PFKL: variants seen among roughly 807,000 people sequenced by gnomAD.
PFKL encodes the protein phosphofructokinase, liver type, also known as ATP-dependent 6-phosphofructokinase, liver type.
PFKL carries 74 observed loss-of-function variants against 92.1 expected under a neutral mutation model. The observed-to-expected ratio is 0.80, with a 90% CI of 0.67 to 0.97. The LOEUF (loss-of-function observed/expected upper bound fraction) is 0.97, where lower values mean the gene tolerates loss of function less well. Among genes scored for constraint, PFKL ranks in the 50% least tolerant of loss-of-function variants. The pLI, the probability that PFKL is intolerant of heterozygous loss-of-function variation, is 0.00. For synonymous variants in PFKL, 494 were observed against 456.4 expected (o/e 1.08, Z -1.05); for missense variants, 1,028 against 1,116.6 (o/e 0.92, Z 1.13).
chr21:44,323,726 T>A (rs749898539), intron 15 of PFKL, 40 bp from the exon 16 acceptor site: 2 of 1,582,060 alleles, frequency 1.3e-6, no homozygotes, highest in Non-Finnish European at 1.7e-6. Context: ...CACCCTGGCC[T>A]CGGTGCTGCC....
rs529662271 is a variant in PFKL, at chr21:44,311,267, CACAGACCCGTGCACGG to C, written c.237+188_237+203del. 5.8e-3 allele frequency among the ~76,000 whole-genome samples: 885 copies of C among 151,586 alleles called. 11 individuals carry two copies. Among genetic ancestry groups the C allele is most frequent in the African/African-American group, 0.021 (847 of 41,306 alleles). On this transcript the variant is annotated intron_variant, in intron 3 of 21. Coordinates refer to ENST00000349048, the MANE Select transcript of PFKL (RefSeq NM_002626.6). ...GTGCACACACACAGATGCGTGCACA[CACAGACCCGTGCACGG>C]ACACACAGGCGCGCACAGACACAGA...
chr21:44,303,243 C>CA (rs35382076), intron 1 of PFKL, among the ~76,000 whole-genome samples: 50,135 of 148,004 alleles, frequency 0.34, 9,527 homozygotes, highest in African/African-American at 0.52. Flanking sequence ...AAAAAACAAA[C>CA]AAGAAAAAAC....
chr21:44,312,038 C>A, intron 3 of PFKL, 67 bp from the exon 4 acceptor site: 1 of 1,291,800 alleles, frequency 7.7e-7, no homozygotes, highest in Non-Finnish European at 1.0e-6. Flanking sequence ...TGGGGTCCCT[C>A]TGGTGATCCC....
intron 1 of PFKL, chr21:44,305,839 T>C (rs1568942600): frequency 7.3e-7 from 1 of 1,366,812 alleles, no homozygotes; most frequent in Non-Finnish European, 9.8e-7. Flanking sequence ...GACAGACTGT[T>C]TCTTTCACTG....
intron 1 of PFKL, among the ~76,000 whole-genome samples, chr21:44,302,970 C>T (rs1049132758): frequency 6.6e-6 from 1 of 152,170 alleles, no homozygotes; most frequent in South Asian, 2.1e-4. Context: ...CGGTGGCTCA[C>T]GCCTGTAATT....
chr21:44,322,907 C>A, intron 14 of PFKL, 55 bp from the exon 15 acceptor site: 1 of 1,320,760 alleles, frequency 7.6e-7, no homozygotes, highest in Non-Finnish European at 1.1e-6. Context: ...CAGATGCAAT[C>A]TGGACACGCG....
chr21:44,319,516 C>T, intron 11 of PFKL, 101 bp downstream of exon 11: 1 of 986,876 alleles, frequency 1.0e-6, no homozygotes, highest in East Asian at 2.4e-5. Context: ...CTGGGTCATC[C>T]TTCTAGGCAC....
At chr21:44,310,944 A>T in intron 2 of PFKL, 62 bp from the exon 3 acceptor site, 1 of 1,238,786 alleles carries the variant, frequency 8.1e-7, no homozygotes, top group Non-Finnish European at 1.2e-6. Flanking sequence ...CTGCTCCCAG[A>T]CCACTTGCTG....
Position 44,324,784 on chromosome 21 carries a change from C to T in PFKL, c.1816-72C>T. On this transcript the variant is annotated intron_variant, in intron 17 of 21. Transcript: ENST00000349048. Reference sequence around the variant, plus strand: ...CGCGTAGCCCAGTGCTCCTGCTGGCCCCGGATCGCCGGTCAGCCTGGAATT... The same window carrying T: ...CGCGTAGCCCAGTGCTCCTGCTGGCTCCGGATCGCCGGTCAGCCTGGAATT... 4 of 1,582,708 alleles carry T rather than the reference C, an allele frequency of 2.5e-6. No individual in the cohort carries two copies. In the South Asian group the frequency reaches 3.3e-5, roughly 13 times the overall value.
At chr21:44,304,666 G>A (rs8130111) in intron 1 of PFKL, among the ~76,000 whole-genome samples, 3,230 of 148,478 alleles carry the variant, frequency 0.022, 122 homozygotes, top group African/African-American at 0.075. Flanking sequence ...TGGTTGTCGG[G>A]TGCTTGGGGT....
intron 9 of PFKL, 61 bp downstream of exon 9, chr21:44,316,585 G>T (rs2047213582): frequency 8.6e-6 from 11 of 1,280,974 alleles, no homozygotes; most frequent in Non-Finnish European, 1.1e-5. Context: ...GTGGGTGTGG[G>T]TGTGGGCAGT....
chr21:44,300,214 C>G (rs181640012), intron 1 of PFKL, 24 bp downstream of exon 1: 2 of 1,058,004 alleles, frequency 1.9e-6, no homozygotes, highest in Non-Finnish European at 2.3e-6. Context: ...CCGGCCGCGT[C>G]GCGGCGCAGG....
intron 1 of PFKL, chr21:44,304,276 T>C: frequency 7.8e-7 from 1 of 1,289,040 alleles, no homozygotes. Flanking sequence ...CGTTCCCAGG[T>C]CCCCTGACAA....
At position 44,305,726 on chromosome 21, in the gene PFKL, C is replaced by T. The variant is rs1039483295; in HGVS notation, c.86-955C>T. The T allele has an allele frequency of 7.4e-5, 96 of 1,296,402 alleles. 1 individual carries two copies. The South Asian group carries it at 8.4e-4, about 11-fold the overall frequency. 80.3% of individuals were successfully genotyped at this position (1,296,402 alleles called of 1,614,324 possible). A position where few individuals can be genotyped will look rare whatever the true frequency, so the allele number is the denominator to read the frequency against. On this transcript the variant is annotated intron_variant, in intron 1 of 21. Transcript: ENST00000349048. ...GGATATCTTTTGAGATGGGGGCTCT[C>T]GGGAAGAAGGTGTGGGGTACATTAG...
At chr21:44,310,238 G>A (rs2041076469) in intron 2 of PFKL, among the ~76,000 whole-genome samples, 4 of 152,254 alleles carry the variant, frequency 2.6e-5, no homozygotes, top group Non-Finnish European at 5.9e-5. Context: ...GTAGGAAACG[G>A]GCACGTGGCA....
chr21:44,312,252 C>T lies in PFKL; in HGVS notation c.385C>T (p.Arg129Cys), dbSNP rs745777409. ...CAGCCTCACAGGTGCCAACATCTTC[C>T]GCAGCGAGTGGGGCAGCCTGCTGGA... ...DGSLTGANIF[R>C]SEWGSLLEEL... Residue 129 changes from arginine to cysteine, a missense_variant, in exon 4 of 22, where the codon CGC becomes TGC. Physicochemically the swap from Arg to Cys is radical, Grantham distance 180 (BLOSUM62 -3). Transcript: ENST00000349048. The T allele has an allele frequency of 1.1e-5, 18 of 1,598,658 alleles. No individual in the cohort carries two copies. The highest frequency in any genetic ancestry group is 1.7e-4 in the Middle Eastern group (1 of 5,998).
intron 11 of PFKL, chr21:44,319,678 C>T: frequency 1.8e-6 from 1 of 566,564 alleles, no homozygotes; most frequent in Non-Finnish European, 3.2e-6. Flanking sequence ...GCTGTGGATA[C>T]AAGCCCAGGA....
chr21:44,311,341 TAC>T (rs57850816), intron 3 of PFKL, among the ~76,000 whole-genome samples: 7,355 of 141,062 alleles, frequency 0.052, 581 homozygotes, highest in African/African-American at 0.19. Context: ...CATGCACACA[TAC>T]AGACACACAG....
intron 2 of PFKL, among the ~76,000 whole-genome samples, chr21:44,310,182 C>T (rs1020983916): frequency 1.3e-5 from 2 of 152,242 alleles, no homozygotes; most frequent in African/African-American, 4.8e-5. Flanking sequence ...GAAATGCAGT[C>T]ATGAGTGTCC....
Sources: gnomAD v4.1 joint callset for allele counts (sites outside exome capture counted in the v4.1 genomes callset) on GRCh38, gnomAD v4.1.1 for gene constraint, MANE v1.5 for transcripts, NCBI Gene and HGNC (gene_info 2026-07-23, HGNC 2026-07-21) for gene names.